Variants in FGF14 observed in about 807,000 individuals in gnomAD.
The protein encoded by FGF14 is fibroblast growth factor homologous factor 4.
Under a neutral mutation model 25.5 loss-of-function variants are expected in FGF14, and 5 were observed. The observed-to-expected ratio is 0.20, with a 90% confidence interval of 0.10 to 0.41. The LOEUF is 0.41. Ranked by LOEUF, FGF14 falls within the 10% of genes least tolerant of loss-of-function variation. The pLI is 1.00. For missense variants in FGF14, 222 were observed against 320.1 expected, an observed-to-expected ratio of 0.69 and a Z score of 2.34; for synonymous variants, 138 against 118.3, an observed-to-expected ratio of 1.17 and a Z score of -1.08.
chr13:101,932,515 A>G (rs148209476), intron 1 of FGF14, among the ~76,000 whole-genome samples: 206 of 144,948 alleles, frequency 1.4e-3, no homozygotes, highest in Middle Eastern at 7.3e-3. Flanking sequence ...CCTGGGTGAC[A>G]TAAGTGAGAC....
rs759906629 is a variant in FGF14 at position 102,134,238 on chromosome 13, G to A, written c.209-258942C>T. Among the ~76,000 whole-genome samples, 5 of 152,116 alleles carry A rather than the reference G, an allele frequency of 3.3e-5. No homozygotes were observed. In the East Asian group the frequency reaches 7.7e-4, roughly 23 times the overall value. On this transcript the variant is annotated intron_variant, in intron 1 of 4. Transcript: ENST00000376131. ...GTGAGAGAGAAGTGTGTTCAGTCAG[G>A]CTCTAGGTTATTTCAGTCCCGTCTT...
chr13:102,332,527 G>C (rs2056664944), intron 1 of FGF14, among the ~76,000 whole-genome samples: 1 of 151,942 alleles, frequency 6.6e-6, no homozygotes, highest in Non-Finnish European at 1.5e-5. Flanking sequence ...TGTAAAACTA[G>C]GAAAATTCCA....
At chr13:101,845,940 C>T (rs148489073) in intron 3 of FGF14, among the ~76,000 whole-genome samples, 1,645 of 151,970 alleles carry the variant, frequency 0.011, 103 homozygotes, top group Admixed American at 0.097. Flanking sequence ...CATATCTGGT[C>T]GAAGTGCCAA....
intron 1 of FGF14, among the ~76,000 whole-genome samples, chr13:102,086,174 G>A (rs768656922): frequency 6.6e-6 from 1 of 152,146 alleles, no homozygotes; most frequent in Non-Finnish European, 1.5e-5. Context: ...CTGGTCTATA[G>A]TTACTCTCAA....
At chr13:102,352,242 TAC>T (rs56774921) in intron 1 of FGF14, among the ~76,000 whole-genome samples, 24,663 of 136,902 alleles carry the variant, frequency 0.18, 2,137 homozygotes, top group East Asian at 0.27. Context: ...TGTACCTTTA[TAC>T]ACACACACAC....
chr13:102,276,940 G>A (rs2053580350), intron 1 of FGF14, among the ~76,000 whole-genome samples: 1 of 152,116 alleles, frequency 6.6e-6, no homozygotes, highest in African/African-American at 2.4e-5. Flanking sequence ...AAAATTAATG[G>A]AGGCCAAGAA....
At chr13:102,291,860 T>C (rs546549627) in intron 1 of FGF14, among the ~76,000 whole-genome samples, 22 of 152,278 alleles carry the variant, frequency 1.4e-4, no homozygotes, top group African/African-American at 4.6e-4. Flanking sequence ...GTATCACTTA[T>C]TGTAGGACCC....
rs869138439 is a variant in FGF14 at position 101,850,279 on chromosome 13, C to CAAA, written c.408+18443_408+18445dup. 1.1e-4 allele frequency among the ~76,000 whole-genome samples: 3 copies of CAAA among 27,936 alleles called. 1 individual carries two copies. Among genetic ancestry groups the CAAA allele is most frequent in the Non-Finnish European group, 1.5e-4 (2 of 13,620 alleles). The allele number at this position is 27,936 out of a possible 152,430, so 18.3% of individuals were successfully genotyped here. On this transcript the variant is annotated intron_variant, in intron 3 of 4. Coordinates refer to ENST00000376143, the MANE Select transcript of FGF14 (RefSeq NM_004115.4). The stretch of plus-strand genomic sequence containing the variant: ...TGAAACCCTGCCTCTACTAAAAATC[C>CAAA]AAAAAAAAAAAAAAAAAAAAAAAAA...
At chr13:102,162,499 C>G (rs1345979122) in intron 1 of FGF14, among the ~76,000 whole-genome samples, 1 of 152,088 alleles carries the variant, frequency 6.6e-6, no homozygotes, top group Non-Finnish European at 1.5e-5. Context: ...TCCAGGCTTA[C>G]AAATAGGCAC....
intron 1 of FGF14, among the ~76,000 whole-genome samples, chr13:102,015,697 G>C (rs1187723853): frequency 6.6e-6 from 1 of 152,022 alleles, no homozygotes; most frequent in African/African-American, 2.4e-5. Flanking sequence ...AGGATAGGGT[G>C]GTAGGAACAA....
intron 3 of FGF14, among the ~76,000 whole-genome samples, chr13:101,749,218 G>A (rs73566223): frequency 0.022 from 3,272 of 152,082 alleles, 134 homozygotes; most frequent in African/African-American, 0.075. Flanking sequence ...GAGATTTCTG[G>A]AGATCTGATG....
chr13:102,383,002 A>C (rs1454835733), intron 1 of FGF14, among the ~76,000 whole-genome samples: 1 of 152,120 alleles, frequency 6.6e-6, no homozygotes, highest in Non-Finnish European at 1.5e-5. Context: ...TAAGTTGATG[A>C]AAATATTCTA....
At chr13:101,784,879 G>T (rs1473590457) in intron 3 of FGF14, among the ~76,000 whole-genome samples, 1 of 152,162 alleles carries the variant, frequency 6.6e-6, no homozygotes, top group African/African-American at 2.4e-5. Flanking sequence ...ATCAAGTGTG[G>T]CAAGGGGGAA....
chr13:102,337,974 CAT>C (rs1273178152), intron 1 of FGF14, among the ~76,000 whole-genome samples: 3 of 152,164 alleles, frequency 2.0e-5, no homozygotes, highest in Admixed American at 6.5e-5. Flanking sequence ...AAAAAATTCA[CAT>C]GACTCACTTT....
intron 1 of FGF14, among the ~76,000 whole-genome samples, chr13:102,114,157 G>A (rs2045356693): frequency 6.6e-6 from 1 of 152,290 alleles, no homozygotes; most frequent in Admixed American, 6.5e-5. Context: ...TGCATTTCTT[G>A]GATGATTAGT....
chr13:102,160,376 C>G (rs1189478385), intron 1 of FGF14, among the ~76,000 whole-genome samples: 2 of 152,098 alleles, frequency 1.3e-5, no homozygotes, highest in Admixed American at 6.6e-5. Flanking sequence ...AGTCCACCCC[C>G]CAGAAACAGC....
In FGF14 at chr13:101,859,407, T is replaced by C. The variant is rs2044293136; in HGVS notation, c.408+9318A>G. Reference sequence around the variant, plus strand: ...CTATTGGACTTTCAGGTTTTTGTTATTTTTTCTTTTTCAATTTTAAACCAC... The same window carrying C: ...CTATTGGACTTTCAGGTTTTTGTTACTTTTTCTTTTTCAATTTTAAACCAC... On this transcript the variant is annotated intron_variant, in intron 3 of 4. Coordinates refer to ENST00000376143, the MANE Select transcript of FGF14 (RefSeq NM_004115.4). Among the ~76,000 whole-genome samples, 3 of 152,104 alleles carry C rather than the reference T, an allele frequency of 2.0e-5. No individual in the cohort carries two copies. In the South Asian group the frequency reaches 6.2e-4, roughly 31 times the overall value.
At chr13:102,071,329 A>G (rs2043145181) in intron 1 of FGF14, among the ~76,000 whole-genome samples, 1 of 152,212 alleles carries the variant, frequency 6.6e-6, no homozygotes, top group Non-Finnish European at 1.5e-5. Context: ...CATTATACAT[A>G]TAAATCACAG....
chr13:102,232,816 A>T (rs2051143002), intron 1 of FGF14, among the ~76,000 whole-genome samples: 1 of 152,268 alleles, frequency 6.6e-6, no homozygotes, highest in Non-Finnish European at 1.5e-5. Flanking sequence ...ATAGATGAGT[A>T]TTAGAAAACC....
Sources: allele counts gnomAD v4.1 joint callset (sites outside exome capture counted in the v4.1 genomes callset), GRCh38; gene constraint gnomAD v4.1.1; transcripts MANE v1.5; gene names NCBI Gene and HGNC (gene_info 2026-07-23, HGNC 2026-07-21).